MGA: variants seen among roughly 807,000 people sequenced by gnomAD.
MGA encodes MAX gene-associated protein.
In MGA, 40 loss-of-function variants were observed where a neutral mutation model predicts 261.1. That is an observed-to-expected ratio of 0.15 (90% CI 0.12 to 0.20). MGA has a LOEUF of 0.20. MGA is among the 10% of genes least tolerant of loss of function. The pLI is 1.00. For synonymous variants in MGA, 1,302 were observed against 1,290.6 expected, an observed-to-expected ratio of 1.01 and a Z score of -0.19; for missense variants, 3,397 against 3,630.5, an observed-to-expected ratio of 0.94 and a Z score of 1.65.
intron 23 of MGA, among the ~76,000 whole-genome samples, chr15:41,765,397 G>A (rs1158003589): frequency 6.6e-6 from 1 of 152,220 alleles, no homozygotes; most frequent in Non-Finnish European, 1.5e-5. Context: ...GTGGTACTCA[G>A]AGATGATAAC....
At chr15:41,763,148 G>GGAGT (rs892372507) in intron 22 of MGA, among the ~76,000 whole-genome samples, 2 of 138,862 alleles carry the variant, frequency 1.4e-5, no homozygotes, top group Admixed American at 1.5e-4. Flanking sequence ...TGCCCGGGCT[G>GGAGT]GAGTGCAGTG....
chr15:41,622,445 T>C (rs1222207571), intron 1 of MGA, among the ~76,000 whole-genome samples: 1 of 152,128 alleles, frequency 6.6e-6, no homozygotes, highest in Non-Finnish European at 1.5e-5. Flanking sequence ...ATTACAATGA[T>C]GTGGGAAACC....
chr15:41,693,997 A>T (rs956897232), intron 2 of MGA, among the ~76,000 whole-genome samples: 4 of 152,106 alleles, frequency 2.6e-5, no homozygotes, highest in African/African-American at 9.7e-5. Flanking sequence ...AATATTTCTT[A>T]GATTTTAAGA....
chr15:41,661,931 G>T (rs1049007472), intron 1 of MGA, among the ~76,000 whole-genome samples: 1 of 152,060 alleles, frequency 6.6e-6, no homozygotes, highest in African/African-American at 2.4e-5. Context: ...GTGATCTGTC[G>T]GGACTCTTCC....
chr15:41,635,461 G>C (rs1291759150), intron 1 of MGA, among the ~76,000 whole-genome samples: 1 of 152,082 alleles, frequency 6.6e-6, no homozygotes, highest in African/African-American at 2.4e-5. Flanking sequence ...AGTAATCCCA[G>C]CACTTTGGGA....
chr15:41,669,768 G>C lies in MGA; in HGVS notation c.874G>C (p.Val292Leu). The C allele has an allele frequency of 6.2e-7, 1 of 1,613,942 alleles. No homozygotes were observed. Among genetic ancestry groups the C allele is most frequent in the East Asian group, 2.2e-5 (1 of 44,888 alleles). Residue 292 changes from valine (V) to leucine (L), a missense_variant, in exon 2 of 24, where the codon GTC becomes CTC. Physicochemically the swap from Val to Leu is conservative, Grantham distance 32 (BLOSUM62 1). This residue lies in a region of MGA where 563 missense variants were observed against 563.6 expected (regional missense o/e 1.00). Coordinates refer to ENST00000219905, the MANE Select transcript of MGA (RefSeq NM_001164273.2). ...TATTTCCAGTTCTTCTGGTCATCGG[G>C]TCCGTCTTACAGAAGGTCAGGGGTC...
Position 41,766,519 on chromosome 15 carries a change from A to G in MGA, c.8437A>G (p.Met2813Val), listed in dbSNP as rs1474649436. ...TGATTCCAGTGAACTGCTGACTAAC[A>G]TGGAAGATGAGGATGATACTGATGA... The change falls in exon 24 of 24, where the codon ATG becomes GTG. Residue 2813 changes from methionine (M) to valine (V), a missense_variant. Met to Val is a conservative substitution (Grantham distance 21). Transcript: ENST00000219905. 6.8e-6 allele frequency: 11 copies of G among 1,613,856 alleles called. No homozygotes were observed. The South Asian group carries it at 8.8e-5, about 13-fold the overall frequency.
intron 15 of MGA, among the ~76,000 whole-genome samples, chr15:41,748,325 G>A (rs543233514): frequency 3.3e-5 from 5 of 152,118 alleles, no homozygotes; most frequent in Non-Finnish European, 5.9e-5. Context: ...GGCCGAGAAC[G>A]GCAGATCACT....
intron 9 of MGA, among the ~76,000 whole-genome samples, chr15:41,726,728 CA>C (rs71108124): frequency 1.9e-3 from 249 of 129,876 alleles, no homozygotes; most frequent in East Asian, 5.7e-3. Flanking sequence ...GACTCTGTCT[CA>C]AAAAAAAAAA....
chr15:41,681,045 C>T (rs2058644208), intron 2 of MGA, among the ~76,000 whole-genome samples: 1 of 152,176 alleles, frequency 6.6e-6, no homozygotes, highest in African/African-American at 2.4e-5. Context: ...TCCCTTCTGT[C>T]ACTCTGGAAA....
chr15:41,748,969 CT>C (rs1365403510), intron 16 of MGA, 42 bp downstream of exon 16: 1 of 1,596,786 alleles, frequency 6.3e-7, no homozygotes, highest in Non-Finnish European at 8.5e-7. Flanking sequence ...TGTTGAATCA[CT>C]TGGCCATATG....
chr15:41,663,211 T>C (rs937358532), intron 1 of MGA, among the ~76,000 whole-genome samples: 43 of 152,330 alleles, frequency 2.8e-4, no homozygotes, highest in African/African-American at 1.0e-3. Flanking sequence ...CTTTTGTGTG[T>C]GTATATGTCT....
rs2063946996 is a variant in MGA at position 41,769,349 on chromosome 15, T to G, written c.*2069T>G. On this transcript the variant is annotated 3_prime_UTR_variant, in exon 24 of 24. Transcript: ENST00000219905. ...AGAATATAGGTAAACAGGTAATGAT[T>G]CTTGATTGGAGATACCATTTGACTC... 1 of 151,288 alleles carries G rather than the reference T, an allele frequency of 6.6e-6. No individual in the cohort carries two copies. Among genetic ancestry groups the G allele is most frequent in the African/African-American group, 2.4e-5 (1 of 41,046 alleles). 9.4% of individuals were successfully genotyped at this position (151,288 alleles called of 1,614,324 possible).
intron 9 of MGA, among the ~76,000 whole-genome samples, chr15:41,719,145 A>C (rs986064165): frequency 6.6e-6 from 1 of 152,108 alleles, no homozygotes; most frequent in South Asian, 2.1e-4. Context: ...ACCATTTAAA[A>C]TAGCATCCAA....
At chr15:41,741,407 G>A (rs1348211312) in intron 14 of MGA, among the ~76,000 whole-genome samples, 2 of 150,628 alleles carry the variant, frequency 1.3e-5, no homozygotes, top group Non-Finnish European at 2.9e-5. Context: ...CTTCAGTTGT[G>A]ATTAAGGGGA....
chr15:41,748,710 G>C lies in MGA; in HGVS notation c.5286G>C (p.Leu1762Phe). ...CAGTGAAACGTGCTGGACCTCGATT[G>C]TTGTTGATTCCAGTGCAGCAGGGTT... Residue 1762 changes from leucine (L) to phenylalanine (F), a missense_variant, in exon 16 of 24, where the codon TTG becomes TTC. Coordinates refer to ENST00000219905, the MANE Select transcript of MGA (RefSeq NM_001164273.2). 1 of 1,613,952 alleles carries C rather than the reference G, an allele frequency of 6.2e-7. No individual in the cohort carries two copies. The highest frequency in any genetic ancestry group is 8.5e-7 in the Non-Finnish European group (1 of 1,179,880).
Position 41,754,449 on chromosome 15 carries a change from G to C in MGA, c.7021G>C (p.Glu2341Gln), listed in dbSNP as rs545110232. The C allele has an allele frequency of 8.6e-5, 133 of 1,550,120 alleles. 1 individual carries two copies. The East Asian group carries it at 3.2e-3, about 37-fold the overall frequency. ...TGATGTATTTCAGAATAACTGTGTA[G>C]AATACATTGAGGATGATGAGGAGCA... is the stretch of plus-strand genomic sequence containing the variant. Residue 2341 changes from glutamate to glutamine, a missense_variant, in exon 18 of 24, where the codon GAA (glutamate) becomes CAA (glutamine). Glu to Gln is a conservative substitution (Grantham distance 29). This residue lies in a region of MGA where 1,410 missense variants were observed against 1,386.4 expected (regional missense o/e 1.02). Transcript: ENST00000219905.
intron 2 of MGA, among the ~76,000 whole-genome samples, chr15:41,678,049 A>G (rs569487374): frequency 6.6e-6 from 1 of 150,866 alleles, no homozygotes; most frequent in East Asian, 1.9e-4. Context: ...TAAGAGTTTT[A>G]TAGTTTTACC....
intron 5 of MGA, among the ~76,000 whole-genome samples, chr15:41,703,974 AT>A (rs891754398): frequency 1.3e-5 from 2 of 151,556 alleles, no homozygotes; most frequent in Admixed American, 6.6e-5. Flanking sequence ...CACCTGGCTA[AT>A]TTTTTTTGGT....
Sources: gnomAD v4.1 joint callset for allele counts (sites outside exome capture counted in the v4.1 genomes callset) on GRCh38, gnomAD v4.1.1 for gene constraint, gnomAD v4.1.1 regional missense constraint, MANE v1.5 for transcripts, NCBI Gene and HGNC (gene_info 2026-07-23, HGNC 2026-07-21) for gene names.